Variants in CIITA observed in about 807,000 individuals in gnomAD.
The protein encoded by CIITA is MHC class II transactivator.
Under a neutral mutation model 115.1 loss-of-function variants are expected in CIITA, and 72 were observed. The observed-to-expected ratio is 0.63, with a 90% CI of 0.52 to 0.76. The LOEUF is 0.76. Ranked by LOEUF, CIITA falls within the 30% of genes least tolerant of loss-of-function variation. The probability of loss-of-function intolerance (pLI) is 0.00; values close to 1 mark genes in which losing one functional copy is unlikely to be tolerated. For synonymous variants in CIITA, 763 were observed against 635.6 expected (o/e 1.20, Z -3.02); for missense variants, 1,617 against 1,463.8 (o/e 1.10, Z -1.71).
intron 14 of CIITA, 43 bp downstream of exon 14, chr16:10,915,693 G>A (rs1360281399): frequency 1.3e-6 from 2 of 1,532,372 alleles, no homozygotes; most frequent in Non-Finnish European, 1.8e-6. Flanking sequence ...ACATCTGGGT[G>A]CAGTGCTGTG....
Position 10,934,559 on chromosome 16 carries a change from GC to G in CIITA, c.*10706del, listed in dbSNP as rs1254623301. ...CTGGGGGAAACATCAGGACAGCGTG[GC>G]CAGGAGCCCAATGCTGCCACCTCAT... is the stretch of plus-strand genomic sequence containing the variant. On this transcript the variant is annotated 3_prime_UTR_variant, in exon 20 of 20. Coordinates refer to ENST00000324288, the MANE Select transcript of CIITA (RefSeq NM_000246.4). The surrounding 1 kb of genome is among the most constrained non-coding windows in gnomAD (Gnocchi z 4.2). 1.3e-5 allele frequency: 2 copies of G among 152,336 alleles called. No individual in the cohort carries two copies. Among genetic ancestry groups the G allele is most frequent in the African/African-American group, 4.8e-5 (2 of 41,550 alleles). The allele number at this position is 152,336 out of a possible 1,614,324, so 9.4% of individuals were successfully genotyped here.
intron 14 of CIITA, among the ~76,000 whole-genome samples, 176 bp downstream of exon 14, chr16:10,915,826 C>T (rs1426695363): frequency 6.6e-6 from 1 of 152,200 alleles, no homozygotes; most frequent in Admixed American, 6.5e-5. Flanking sequence ...TTGACAACCC[C>T]AAATCCTGCC....
chr16:10,897,316 T>C (rs2038232212), intron 3 of CIITA, among the ~76,000 whole-genome samples: 1 of 152,166 alleles, frequency 6.6e-6, no homozygotes, highest in Non-Finnish European at 1.5e-5. Context: ...ATAGTCTCTC[T>C]TCCTCTTCTC....
At chr16:10,885,804 C>T (rs948508008) in intron 1 of CIITA, among the ~76,000 whole-genome samples, 1 of 152,122 alleles carries the variant, frequency 6.6e-6, no homozygotes, top group Non-Finnish European at 1.5e-5. Flanking sequence ...TGTGCAGGCC[C>T]TATTGTTGGT....
rs533578436 is a variant in CIITA at position 10,892,250 on chromosome 16, G to C, written c.53-3032G>C. Among the ~76,000 whole-genome samples, 22 of 152,194 alleles carry C rather than the reference G, an allele frequency of 1.4e-4. 1 individual carries two copies. In the South Asian group the frequency reaches 4.6e-3, roughly 32 times the overall value. On this transcript the variant is annotated intron_variant, in intron 1 of 19. Transcript: ENST00000324288. Reference sequence around the variant, plus strand: ...GAAGCAGGAGAATTGCTTGAATCCGGGAGGCAGAGGTTGCAGTGAGCCAAG... The same window carrying C: ...GAAGCAGGAGAATTGCTTGAATCCGCGAGGCAGAGGTTGCAGTGAGCCAAG...
At chr16:10,893,833 A>AAAAAAAAAAAC (rs2037845956) in intron 1 of CIITA, among the ~76,000 whole-genome samples, 1 of 124,678 alleles carries the variant, frequency 8.0e-6, no homozygotes, top group Non-Finnish European at 1.8e-5. Context: ...AAAAAAAAAA[A>AAAAAAAAAAAC]AGTAGAGTTC....
At chr16:10,878,465 G>T (rs1271439452) in intron 1 of CIITA, among the ~76,000 whole-genome samples, 1 of 152,186 alleles carries the variant, frequency 6.6e-6, no homozygotes, top group Non-Finnish European at 1.5e-5. Context: ...CACGGCTGGG[G>T]GTGTGGTCAT....
At chr16:10,875,662 C>A (rs778413299), upstream of CIITA, among the ~76,000 whole-genome samples, 1 of 151,942 alleles carries the variant, frequency 6.6e-6, no homozygotes, top group Non-Finnish European at 1.5e-5. Flanking sequence ...ACCTTTTTTA[C>A]TTATCTTTCT....
intron 11 of CIITA, 84 bp from the exon 12 acceptor site, chr16:10,908,945 G>A (rs762076375): frequency 1.3e-6 from 2 of 1,594,440 alleles, no homozygotes; most frequent in Non-Finnish European, 1.7e-6. Context: ...TATTTTAATA[G>A]GTAGGAGGAC....
In CIITA at chr16:10,929,302, T is replaced by C; in HGVS notation, c.*5447T>C. ...GGTGAAGTGGGGGAAGCAGGTGCGC[T>C]CCGGGATGAAGTGCAGGGAGGCAAA... On this transcript the variant is annotated 3_prime_UTR_variant, in exon 20 of 20. Coordinates refer to ENST00000324288, the MANE Select transcript of CIITA (RefSeq NM_000246.4). This position sits in a 1 kb window ranked among gnomAD's most constrained non-coding sequence, Gnocchi z 4.3. 1.0e-6 allele frequency: 1 copy of C among 985,900 alleles called. No homozygotes were observed. Among genetic ancestry groups the C allele is most frequent in the Non-Finnish European group, 1.2e-6 (1 of 829,972 alleles). The allele number at this position is 985,900 out of a possible 1,614,324, so 61.1% of individuals were successfully genotyped here.
chr16:10,914,043 C>G (rs2039779528), intron 13 of CIITA, among the ~76,000 whole-genome samples: 1 of 152,056 alleles, frequency 6.6e-6, no homozygotes, highest in African/African-American at 2.4e-5. Flanking sequence ...GATTCATTGT[C>G]TCAGACATCA....
rs748093417 is a variant in CIITA, at chr16:10,922,197, A to G, written c.3180A>G (p.Gly1060=). The change falls in exon 17 of 20, where the codon GGA becomes GGG. Residue 1060 remains glycine (G), a synonymous_variant. Coordinates refer to ENST00000324288, the MANE Select transcript of CIITA (RefSeq NM_000246.4). Reference sequence around the variant, plus strand: ...ACAATAACTGCATCTGCGACGTGGGAGCCGAGAGCTTGGCTCGTGTGCTTC... The same window carrying G: ...ACAATAACTGCATCTGCGACGTGGGGGCCGAGAGCTTGGCTCGTGTGCTTC... ...SLYNNCICDV[G]AESLARVLPD... 5.4e-5 allele frequency: 87 copies of G among 1,614,052 alleles called. No individual in the cohort carries two copies. Among genetic ancestry groups the G allele is most frequent in the Non-Finnish European group, 7.0e-5 (83 of 1,180,026 alleles).
Position 10,927,903 on chromosome 16 carries a change from G to A in CIITA, c.*4048G>A, listed in dbSNP as rs991653449. The A allele has an allele frequency of 6.6e-6, 1 of 152,208 alleles. No homozygotes were observed. The highest frequency in any genetic ancestry group is 1.5e-5 in the Non-Finnish European group (1 of 68,052). The allele number at this position is 152,208 out of a possible 1,614,324, so 9.4% of individuals were successfully genotyped here. On this transcript the variant is annotated 3_prime_UTR_variant, in exon 20 of 20. Coordinates refer to ENST00000324288, the MANE Select transcript of CIITA (RefSeq NM_000246.4). ...GTCAGGTGGTAAAGCGCTGCTCGGA[G>A]GAATCAGGGCATGATAGTGCAATTC...
At chr16:10,892,094 C>T (rs1360155049) in intron 1 of CIITA, among the ~76,000 whole-genome samples, 16 of 152,082 alleles carry the variant, frequency 1.1e-4, no homozygotes, top group Admixed American at 7.2e-4. Context: ...GAGGCCAAGG[C>T]GGGTGGATCA....
Position 10,923,681 on chromosome 16 carries a change from T to C in CIITA, c.*23-197T>C, listed in dbSNP as rs2145181299. 6.6e-6 allele frequency among the ~76,000 whole-genome samples: 1 copy of C among 152,238 alleles called. No homozygotes were observed. Among genetic ancestry groups the C allele is most frequent in the East Asian group, 1.9e-4 (1 of 5,180 alleles). On this transcript the variant is annotated intron_variant, in intron 19 of 19. Transcript: ENST00000324288. This position sits in a 1 kb window ranked among gnomAD's most constrained non-coding sequence, Gnocchi z 5.2. ...TGCTCCGGGTTTGTCTCAGATGAAC[T>C]TGCTTGACAAGTCTCCTGCTCCTCA...
intron 1 of CIITA, among the ~76,000 whole-genome samples, chr16:10,887,980 A>G (rs1338258568): frequency 6.6e-6 from 1 of 152,234 alleles, no homozygotes; most frequent in African/African-American, 2.4e-5. Flanking sequence ...TGGCTATAAT[A>G]ACAACAATCT....
rs2040532050 is a variant in CIITA, at chr16:10,926,397, T to G, written c.*2542T>G. ...TGTGTGCGCCTACAGGAGTGAGCAC[T>G]AAGGTGTGCTCTGATCATCCACTGT... is the stretch of plus-strand genomic sequence containing the variant. On this transcript the variant is annotated 3_prime_UTR_variant, in exon 20 of 20. Transcript: ENST00000324288. The G allele has an allele frequency of 6.6e-6, 1 of 152,240 alleles. No homozygotes were observed. Among genetic ancestry groups the G allele is most frequent in the African/African-American group, 2.4e-5 (1 of 41,454 alleles). The allele number at this position is 152,240 out of a possible 1,614,324, so 9.4% of individuals were successfully genotyped here. A position where few individuals can be genotyped will look rare whatever the true frequency, so the allele number is the denominator to read the frequency against.
chr16:10,866,303 A>G (rs1461015304), exon 1 of CIITA: 1 of 568,158 alleles, frequency 1.8e-6, no homozygotes, highest in Non-Finnish European at 3.4e-6. Flanking sequence ...AACAACTTCC[A>G]GGCCATCCTG....
At chr16:10,872,766 GA>G (rs568474036), upstream of CIITA, among the ~76,000 whole-genome samples, 125 of 152,164 alleles carry the variant, frequency 8.2e-4, no homozygotes, top group African/African-American at 2.8e-3. Flanking sequence ...TCCTTCTCCT[GA>G]ATCATTTATT....
Sources: allele counts gnomAD v4.1 joint callset (sites outside exome capture counted in the v4.1 genomes callset), GRCh38; gene constraint gnomAD v4.1.1; non-coding constraint Gnocchi (gnomAD v3.1); transcripts MANE v1.5; gene names NCBI Gene and HGNC (gene_info 2026-07-23, HGNC 2026-07-21).